The following TFB1M variants were observed in gnomAD, a reference collection of about 807,000 sequenced individuals.
TFB1M encodes the protein transcription factor B1, mitochondrial.
In TFB1M, 27 loss-of-function variants were observed where a neutral mutation model predicts 31.1. The ratio of observed to expected loss-of-function variants is 0.87; its 90% CI spans 0.64 to 1.20. The LOEUF (loss-of-function observed/expected upper bound fraction) is 1.20. Ranked by LOEUF, TFB1M falls within the 50% of genes most tolerant of loss-of-function variation. The pLI is 0.00. For missense variants in TFB1M, 394 were observed against 418.7 expected (o/e 0.94, Z 0.51); for synonymous variants, 166 against 151.8 (o/e 1.09, Z -0.69).
intron 1 of TFB1M, among the ~76,000 whole-genome samples, chr6:155,312,044 T>C (rs1300730948): frequency 6.6e-6 from 1 of 152,190 alleles, no homozygotes; most frequent in African/African-American, 2.4e-5. Context: ...ACTGACTCTG[T>C]GCAACCAGTC....
At chr6:155,253,972 G>A (rs764621722), downstream of TFB1M, 1 of 1,611,198 alleles carries the variant, frequency 6.2e-7, no homozygotes, top group Non-Finnish European at 8.5e-7. Flanking sequence ...CTTTTACATA[G>A]GGACAGAAAA....
the TFB1M span, chr6:155,249,872 A>G: frequency 6.3e-5 from 102 of 1,613,738 alleles, no homozygotes; most frequent in African/African-American, 1.3e-3. Context: ...GCAATGGAGA[A>G]AGTAGCGAGC....
intron 1 of TFB1M, 98 bp downstream of exon 1, chr6:155,314,197 AG>A: frequency 6.4e-7 from 1 of 1,565,950 alleles, no homozygotes; most frequent in Non-Finnish European, 8.6e-7. Flanking sequence ...GTCGCACGCC[AG>A]TGCCTGGACA....
intron 2 of TFB1M, among the ~76,000 whole-genome samples, chr6:155,306,599 G>C (rs1456914737): frequency 6.6e-6 from 1 of 151,942 alleles, no homozygotes; most frequent in Non-Finnish European, 1.5e-5. Flanking sequence ...AAATAATTAT[G>C]CTAAGTAAAA....
chr6:155,304,474 G>A (rs1210878707), intron 2 of TFB1M, among the ~76,000 whole-genome samples: 1 of 151,964 alleles, frequency 6.6e-6, no homozygotes, highest in Non-Finnish European at 1.5e-5. Context: ...AAAAAACAGA[G>A]AAAATAGATG....
At chr6:155,252,558 T>C (rs1783729527), downstream of TFB1M, among the ~76,000 whole-genome samples, 1 of 152,232 alleles carries the variant, frequency 6.6e-6, no homozygotes, top group African/African-American at 2.4e-5. Context: ...AAATGGCCCA[T>C]GTTTGTTCCA....
At chr6:155,295,859 A>G (rs369663827) in intron 4 of TFB1M, among the ~76,000 whole-genome samples, 1 of 152,342 alleles carries the variant, frequency 6.6e-6, no homozygotes, top group South Asian at 2.1e-4. Context: ...GAGATGATTT[A>G]AAGTATATGG....
At chr6:155,236,571 G>C in the TFB1M span, among the ~76,000 whole-genome samples, 1 of 152,168 alleles carries the variant, frequency 6.6e-6, no homozygotes, top group Non-Finnish European at 1.5e-5. Context: ...GCTGAGGCAG[G>C]AGAATTGCTT....
At chr6:155,251,803 T>C, downstream of TFB1M, 1 of 669,090 alleles carries the variant, frequency 1.5e-6, no homozygotes, top group Non-Finnish European at 2.6e-6. Flanking sequence ...GGAAGTACCA[T>C]TTATTCACTC....
Position 155,257,769 on chromosome 6 carries a change from T to C in TFB1M, c.*67A>G. The stretch of plus-strand genomic sequence containing the variant: ...TCGTCATTCTGTAAAGACAAAAGAG[T>C]ACCTATATAAGAAGCTCCACGTAGT... On this transcript the variant is annotated 3_prime_UTR_variant, in exon 7 of 7. Transcript: ENST00000367166. The C allele has an allele frequency of 6.3e-7, 1 of 1,587,924 alleles. No individual in the cohort carries two copies. The highest frequency in any genetic ancestry group is 8.6e-7 in the Non-Finnish European group (1 of 1,163,748).
intron 5 of TFB1M, among the ~76,000 whole-genome samples, chr6:155,278,636 G>A (rs796078263): frequency 4.6e-5 from 7 of 152,342 alleles, no homozygotes; most frequent in African/African-American, 1.7e-4. Flanking sequence ...GAGGGCGACA[G>A]AGGTGACATA....
chr6:155,244,923 C>A, the TFB1M span: 2 of 1,099,594 alleles, frequency 1.8e-6, no homozygotes. Flanking sequence ...TTCCTTGCAC[C>A]GTTTTCCTCT....
At chr6:155,245,494 G>C in the TFB1M span, 2 of 744,594 alleles carry the variant, frequency 2.7e-6, no homozygotes, top group African/African-American at 1.8e-5. Context: ...TGTGGATGGA[G>C]CAGGTTTGAA....
At chr6:155,283,012 T>A (rs324352) in intron 5 of TFB1M, among the ~76,000 whole-genome samples, 4 of 151,976 alleles carry the variant, frequency 2.6e-5, no homozygotes, top group Non-Finnish European at 5.9e-5. Context: ...CAGGCATGAG[T>A]CACTGTGCCC....
intron 2 of TFB1M, among the ~76,000 whole-genome samples, chr6:155,301,346 AT>A (rs1450736549): frequency 2.0e-5 from 3 of 152,210 alleles, no homozygotes; most frequent in Non-Finnish European, 1.5e-5. Context: ...TGATATTATG[AT>A]TATAGACAGT....
intron 4 of TFB1M, among the ~76,000 whole-genome samples, 169 bp downstream of exon 4, chr6:155,296,784 T>G (rs1777196276): frequency 6.6e-6 from 1 of 152,236 alleles, no homozygotes; most frequent in South Asian, 2.1e-4. Context: ...AGCAGTTACA[T>G]CTGTCATCAT....
At chr6:155,238,748 G>A in the TFB1M span, among the ~76,000 whole-genome samples, 1 of 152,236 alleles carries the variant, frequency 6.6e-6, no homozygotes, top group South Asian at 2.1e-4. Flanking sequence ...TTCCACAGAA[G>A]TCTTTGTTGA....
chr6:155,314,096 T>C, intron 1 of TFB1M, 200 bp downstream of exon 1: 1 of 1,450,642 alleles, frequency 6.9e-7, no homozygotes, highest in African/African-American at 1.4e-5. Context: ...GAACGCGGAG[T>C]TTTGTGAGCA....
chr6:155,304,516 A>C (rs1162212160), intron 2 of TFB1M, among the ~76,000 whole-genome samples: 4 of 152,194 alleles, frequency 2.6e-5, no homozygotes, highest in Admixed American at 2.0e-4. Context: ...GACAACAAAA[A>C]GCACAGGAAA....
Sources: gnomAD v4.1 joint callset for allele counts (sites outside exome capture counted in the v4.1 genomes callset) on GRCh38, gnomAD v4.1.1 for gene constraint, MANE v1.5 for transcripts, NCBI Gene and HGNC (gene_info 2026-07-23, HGNC 2026-07-21) for gene names.